The following DPH6 variants were observed in gnomAD, a reference collection of about 807,000 sequenced individuals.
The protein encoded by DPH6 is diphthine--ammonia ligase.
A neutral mutation model predicts 38.2 loss-of-function variants in DPH6; 33 were observed. The ratio of observed to expected loss-of-function variants is 0.86; its 90% CI spans 0.65 to 1.15. DPH6 has a LOEUF of 1.15. DPH6 is among the 50% of genes most tolerant of loss of function. DPH6 has a pLI of 0.00. For synonymous variants in DPH6, 108 were observed against 103.0 expected (o/e 1.05, Z -0.30); for missense variants, 325 against 320.0 (o/e 1.02, Z -0.12).
rs551708835 is a variant in DPH6 at position 35,311,303 on chromosome 15, G to A, written n.200+62218C>T. ...CTGAAAACAAAAATGCACCCCCTCA[G>A]ATTTCAATCACATCTTGGCAACTGA... On this transcript the variant is annotated intron_variant and non_coding_transcript_variant, in intron 3 of 3. Transcript: ENST00000560386. 3.9e-5 allele frequency among the ~76,000 whole-genome samples: 6 copies of A among 152,208 alleles called. No individual in the cohort carries two copies. The South Asian group carries it at 8.3e-4, about 21-fold the overall frequency.
At position 35,391,619 on chromosome 15, in the gene DPH6, G is replaced by A. The variant is rs183050851; in HGVS notation, c.568-9703C>T. ...CTGTGCTAGCAGTAAGCGAGGCTCC[G>A]TGGGCGTAGGACCCTCCGAACCAGG... is the stretch of plus-strand genomic sequence containing the variant. On this transcript the variant is annotated intron_variant, in intron 6 of 8. Coordinates refer to ENST00000256538, the MANE Select transcript of DPH6 (RefSeq NM_080650.4). Among the ~76,000 whole-genome samples, 708 of 152,290 alleles carry A rather than the reference G, an allele frequency of 4.6e-3. 5 individuals are homozygous for A. The highest frequency in any genetic ancestry group is 6.3e-3 in the Non-Finnish European group (427 of 68,016).
chr15:35,388,696 G>A (rs1288696020), intron 6 of DPH6, among the ~76,000 whole-genome samples: 3 of 151,972 alleles, frequency 2.0e-5, no homozygotes, highest in Non-Finnish European at 2.9e-5. Context: ...TATCCCCTTT[G>A]TCATTTTTTA....
downstream of DPH6, among the ~76,000 whole-genome samples, chr15:35,369,162 G>A (rs1595504714): frequency 6.6e-6 from 1 of 151,600 alleles, no homozygotes; most frequent in Admixed American, 6.6e-5. Flanking sequence ...GTATTATCAA[G>A]GAAAGGCATT....
intron 3 of DPH6, among the ~76,000 whole-genome samples, chr15:35,285,911 A>G (rs1398678500): frequency 3.9e-5 from 3 of 75,984 alleles, no homozygotes; most frequent in East Asian, 3.9e-4. Flanking sequence ...CTTGTTCACT[A>G]TAAAGAATCC....
At chr15:35,314,708 G>A (rs2052173266) in intron 3 of DPH6, among the ~76,000 whole-genome samples, 1 of 152,152 alleles carries the variant, frequency 6.6e-6, no homozygotes, top group African/African-American at 2.4e-5. Context: ...GGTATTTGAA[G>A]CAAATTGGAA....
chr15:35,382,632 T>A (rs1217381805), intron 6 of DPH6, among the ~76,000 whole-genome samples: 7 of 152,132 alleles, frequency 4.6e-5, no homozygotes, highest in Admixed American at 2.0e-4. Flanking sequence ...TTTAGTGAAT[T>A]TCTCAAGGAT....
At chr15:35,323,233 A>G (rs1446769375) in intron 3 of DPH6, among the ~76,000 whole-genome samples, 1 of 152,188 alleles carries the variant, frequency 6.6e-6, no homozygotes, top group Non-Finnish European at 1.5e-5. Flanking sequence ...TTATTAAGGT[A>G]TAAGAGGCTT....
At chr15:35,208,698 G>A in the DPH6 span, among the ~76,000 whole-genome samples, 1 of 152,104 alleles carries the variant, frequency 6.6e-6, no homozygotes, top group Non-Finnish European at 1.5e-5. Context: ...GATTTTAATT[G>A]TATCTTTACA....
chr15:35,526,883 A>G (rs571325047), intron 3 of DPH6, among the ~76,000 whole-genome samples: 1 of 152,282 alleles, frequency 6.6e-6, no homozygotes, highest in East Asian at 1.9e-4. Context: ...GCCTCAGTTA[A>G]CTCACATAGG....
intron 3 of DPH6, chr15:35,237,369 C>T (rs2051560763): frequency 1.9e-6 from 3 of 1,600,218 alleles, no homozygotes; most frequent in Non-Finnish European, 2.6e-6. Context: ...CGGAACAGGA[C>T]GCCCTCTGAT....
the DPH6 span, among the ~76,000 whole-genome samples, chr15:35,180,619 C>T: frequency 1.3e-5 from 2 of 152,094 alleles, no homozygotes; most frequent in African/African-American, 2.4e-5. Flanking sequence ...TGCCACCATG[C>T]CCAGATAAGT....
chr15:35,460,835 T>A (rs557552789), intron 3 of DPH6, among the ~76,000 whole-genome samples: 3 of 148,524 alleles, frequency 2.0e-5, no homozygotes, highest in African/African-American at 7.4e-5. Context: ...GGCAGCTGTC[T>A]GACCTATGTC....
intron 3 of DPH6, among the ~76,000 whole-genome samples, chr15:35,254,953 T>C (rs888879244): frequency 2.0e-5 from 3 of 152,024 alleles, no homozygotes; most frequent in Admixed American, 1.3e-4. Context: ...ATTGATCAGT[T>C]AGGGTGGGGC....
chr15:35,190,833 C>T, the DPH6 span, among the ~76,000 whole-genome samples: 28 of 152,322 alleles, frequency 1.8e-4, 1 homozygote, highest in African/African-American at 6.3e-4. Flanking sequence ...AGGATAGAAA[C>T]AAGATGGAGT....
At chr15:35,453,336 T>C (rs769166473) in intron 4 of DPH6, among the ~76,000 whole-genome samples, 1 of 152,138 alleles carries the variant, frequency 6.6e-6, no homozygotes, top group Non-Finnish European at 1.5e-5. Flanking sequence ...AGGAGCACAT[T>C]TTTATTTGGC....
At chr15:35,267,490 C>T (rs1163394399) in intron 3 of DPH6, among the ~76,000 whole-genome samples, 1 of 152,182 alleles carries the variant, frequency 6.6e-6, no homozygotes, top group Non-Finnish European at 1.5e-5. Flanking sequence ...CTGCCTGTCT[C>T]TTGGTCTCTC....
intron 3 of DPH6, among the ~76,000 whole-genome samples, chr15:35,270,820 C>T (rs1255606653): frequency 6.6e-6 from 1 of 152,182 alleles, no homozygotes; most frequent in Non-Finnish European, 1.5e-5. Context: ...GAGCTTCTAA[C>T]ACAGACAAGA....
intron 3 of DPH6, among the ~76,000 whole-genome samples, chr15:35,240,462 C>G (rs899147097): frequency 2.1e-5 from 3 of 142,138 alleles, no homozygotes; most frequent in South Asian, 2.5e-4. Context: ...TCCTTGCCAG[C>G]CCAAGCTAGG....
At chr15:35,213,727 C>A (rs1161879736), downstream of DPH6, among the ~76,000 whole-genome samples, 1 of 152,196 alleles carries the variant, frequency 6.6e-6, no homozygotes, top group Non-Finnish European at 1.5e-5. Flanking sequence ...CCAAAGTCAA[C>A]TGAAAGCACC....
Sources: allele counts gnomAD v4.1 joint callset (sites outside exome capture counted in the v4.1 genomes callset), GRCh38; gene constraint gnomAD v4.1.1; transcripts MANE v1.5; gene names NCBI Gene and HGNC (gene_info 2026-07-23, HGNC 2026-07-21).